The following ASH1L variants were observed in gnomAD, a reference collection of about 807,000 sequenced individuals.
ASH1L encodes ASH1 like histone lysine methyltransferase, also known as histone-lysine N-methyltransferase ASH1L.
Under a neutral mutation model 269.0 loss-of-function variants are expected in ASH1L, and 23 were observed. The observed-to-expected ratio is 0.09, with a 90% CI of 0.06 to 0.12. The LOEUF (loss-of-function observed/expected upper bound fraction) is 0.12, where lower values mean the gene tolerates loss of function less well. Among genes scored for constraint, ASH1L ranks in the 10% least tolerant of loss-of-function variants. ASH1L has a pLI of 1.00. For missense variants in ASH1L, 2,912 were observed against 3,567.8 expected (o/e 0.82, Z 4.68); for synonymous variants, 1,187 against 1,253.5 (o/e 0.95, Z 1.12).
intron 12 of ASH1L, among the ~76,000 whole-genome samples, chr1:155,365,971 A>G (rs530724764): frequency 6.6e-6 from 1 of 152,214 alleles, no homozygotes; most frequent in South Asian, 2.1e-4. Context: ...TCTCTTATAA[A>G]AGGGAGGGGG....
At chr1:155,428,639 G>A (rs1246234211) in intron 5 of ASH1L, among the ~76,000 whole-genome samples, 5 of 152,202 alleles carry the variant, frequency 3.3e-5, no homozygotes, top group East Asian at 3.9e-4. Context: ...CTGGAAAACC[G>A]CTTAAAGGCG....
In ASH1L at chr1:155,389,783, C is replaced by G. The variant is rs114582625; in HGVS notation, c.6103+5676G>C. Among the ~76,000 whole-genome samples, 935 of 151,538 alleles carry G rather than the reference C, an allele frequency of 6.2e-3. 9 individuals carry two copies. The highest frequency in any genetic ancestry group is 0.022 in the African/African-American group (910 of 41,382). On this transcript the variant is annotated intron_variant, in intron 7 of 27. Transcript: ENST00000392403. ...ATACCAAGGAGCATGACTGCCACAT[C>G]AAATGTTCAGAGTATATTAAGTTTT...
At chr1:155,347,353 G>A (rs1426402203) in intron 20 of ASH1L, among the ~76,000 whole-genome samples, 2 of 152,142 alleles carry the variant, frequency 1.3e-5, no homozygotes, top group Non-Finnish European at 2.9e-5. Flanking sequence ...GTTGCAGAGA[G>A]CTGAGATCGT....
At chr1:155,359,878 C>T (rs1188696859) in intron 13 of ASH1L, among the ~76,000 whole-genome samples, 3 of 151,910 alleles carry the variant, frequency 2.0e-5, no homozygotes, top group Non-Finnish European at 4.4e-5. Flanking sequence ...TGCGCCTGAC[C>T]TCCCATATAC....
intron 2 of ASH1L, among the ~76,000 whole-genome samples, chr1:155,517,769 T>C (rs1204098791): frequency 1.4e-5 from 2 of 143,756 alleles, no homozygotes; most frequent in Non-Finnish European, 3.0e-5. Flanking sequence ...TAAAATAAAC[T>C]CTCACATATA....
intron 4 of ASH1L, among the ~76,000 whole-genome samples, chr1:155,442,583 C>CAAAAAAAAAAAAAAAAAAAAACAAAAAA (rs1205815203): frequency 3.0e-5 from 1 of 33,654 alleles, no homozygotes. Flanking sequence ...GACTCCATCT[C>CAAAAAAAAAAAAAAAAAAAAACAAAAAA]AAAAAAAAAA....
chr1:155,393,713 C>T (rs959668567), intron 7 of ASH1L, among the ~76,000 whole-genome samples: 30 of 151,972 alleles, frequency 2.0e-4, no homozygotes, highest in African/African-American at 6.3e-4. Flanking sequence ...TGCCACCATG[C>T]CCAGCTAATT....
intron 20 of ASH1L, 150 bp downstream of exon 20, chr1:155,347,506 A>G (rs1291384433): frequency 2.2e-6 from 2 of 921,810 alleles, no homozygotes; most frequent in Non-Finnish European, 1.6e-6. Context: ...AAGGCAATAT[A>G]GTAAACACAG....
At chr1:155,520,425 A>G (rs1216311469) in intron 2 of ASH1L, 1 of 153,442 alleles carries the variant, frequency 6.5e-6, no homozygotes, top group East Asian at 1.9e-4. Flanking sequence ...TAAAGCTAAT[A>G]ATGAAATACC....
intron 7 of ASH1L, among the ~76,000 whole-genome samples, chr1:155,384,864 CT>C (rs35658822): frequency 1.2e-4 from 18 of 151,992 alleles, no homozygotes; most frequent in South Asian, 8.3e-4. Flanking sequence ...CATCTATGCC[CT>C]TTTTTTTCCC....
At chr1:155,372,759 G>C (rs1656081403) in intron 10 of ASH1L, among the ~76,000 whole-genome samples, 2 of 152,088 alleles carry the variant, frequency 1.3e-5, no homozygotes, top group Admixed American at 1.3e-4. Flanking sequence ...TTACAGGCAT[G>C]AACTACCACA....
chr1:155,442,346 G>A (rs1662655072), intron 4 of ASH1L, among the ~76,000 whole-genome samples: 1 of 151,706 alleles, frequency 6.6e-6, no homozygotes. Flanking sequence ...CCAGCACTTT[G>A]GGAGGCTGAG....
chr1:155,418,100 C>A (rs1008839000), intron 5 of ASH1L, among the ~76,000 whole-genome samples: 1 of 152,046 alleles, frequency 6.6e-6, no homozygotes, highest in Admixed American at 6.6e-5. Context: ...TACAATAATG[C>A]GACATCACAA....
At position 155,459,807 on chromosome 1, in the gene ASH1L, A is replaced by C. The variant is rs765387291; in HGVS notation, c.5076T>G (p.Thr1692=). 2.5e-6 allele frequency: 4 copies of C among 1,612,638 alleles called. No individual in the cohort carries two copies. The highest frequency in any genetic ancestry group is 1.1e-5 in the South Asian group (1 of 90,872). The change falls in exon 4 of 28, where the codon ACT becomes ACG. Residue 1692 remains threonine (T), a synonymous_variant. Transcript: ENST00000392403. The part of the protein sequence containing the change: ...PTRKRSSSES[T]SSTVNGVPSR... ...ACAAATAGCACTAGCCTGTTGAAGAAGTACTCTCAGATGAAGACCTTTTCC... is the reference window on the plus strand; with the variant it reads ...ACAAATAGCACTAGCCTGTTGAAGACGTACTCTCAGATGAAGACCTTTTCC...
intron 2 of ASH1L, among the ~76,000 whole-genome samples, chr1:155,489,814 A>ATAAATAAG (rs1487814640): frequency 6.6e-6 from 1 of 150,632 alleles, no homozygotes; most frequent in Non-Finnish European, 1.5e-5. Flanking sequence ...AAATAAATAA[A>ATAAATAAG]TAAATAAATA....
chr1:155,555,982 AAC>A (rs564638554), intron 1 of ASH1L, among the ~76,000 whole-genome samples: 6 of 152,254 alleles, frequency 3.9e-5, no homozygotes, highest in Non-Finnish European at 8.8e-5. Flanking sequence ...TAGATGTGGA[AAC>A]AGTGTGTTAA....
chr1:155,527,975 A>G (rs1447274825), intron 1 of ASH1L, among the ~76,000 whole-genome samples: 2 of 151,910 alleles, frequency 1.3e-5, no homozygotes, highest in Non-Finnish European at 2.9e-5. Flanking sequence ...TCCTTTTTCT[A>G]TCTACACTCA....
At chr1:155,504,157 G>A (rs1309309850) in intron 2 of ASH1L, among the ~76,000 whole-genome samples, 1 of 152,134 alleles carries the variant, frequency 6.6e-6, no homozygotes, top group Non-Finnish European at 1.5e-5. Flanking sequence ...GGAAAGGTAG[G>A]TATTAGACAT....
At chr1:155,389,877 C>CTTT (rs1018913896) in intron 7 of ASH1L, among the ~76,000 whole-genome samples, 4 of 118,458 alleles carry the variant, frequency 3.4e-5, no homozygotes, top group African/African-American at 9.3e-5. Flanking sequence ...CTACCAGTAG[C>CTTT]TTTTTTTTTT....
Sources: allele counts gnomAD v4.1 joint callset (sites outside exome capture counted in the v4.1 genomes callset), GRCh38; gene constraint gnomAD v4.1.1; transcripts MANE v1.5; gene names NCBI Gene and HGNC (gene_info 2026-07-23, HGNC 2026-07-21).